The following SAMD8 variants were observed in gnomAD, a reference collection of about 807,000 sequenced individuals.
SAMD8 encodes the protein sphingomyelin synthase-related protein 1.
A neutral mutation model predicts 42.0 loss-of-function variants in SAMD8; 20 were observed. The observed-to-expected ratio is 0.48, with a 90% CI of 0.34 to 0.69. The LOEUF is 0.69. SAMD8 is among the 30% of genes least tolerant of loss of function. The pLI, the probability that SAMD8 is intolerant of heterozygous loss-of-function variation, is 0.01. For missense variants in SAMD8, 328 were observed against 511.6 expected (o/e 0.64, Z 3.46); for synonymous variants, 162 against 173.0 (o/e 0.94, Z 0.50).
At chr10:75,167,017 G>A (rs984287346) in intron 3 of SAMD8, among the ~76,000 whole-genome samples, 3 of 152,164 alleles carry the variant, frequency 2.0e-5, no homozygotes, top group Non-Finnish European at 4.4e-5. Flanking sequence ...CTGAGGGTGG[G>A]AGGATCATTT....
chr10:75,108,349 T>A, upstream of SAMD8: 1 of 1,403,136 alleles, frequency 7.1e-7, no homozygotes, highest in Non-Finnish European at 9.4e-7. Context: ...AAGTGGGGTC[T>A]GACTCCACAG....
intron 2 of SAMD8, among the ~76,000 whole-genome samples, chr10:75,157,888 G>A (rs143689478): frequency 1.3e-5 from 2 of 152,086 alleles, no homozygotes; most frequent in Non-Finnish European, 2.9e-5. Context: ...GGCCGGGCGC[G>A]GTGTCTCACG....
intron 2 of SAMD8, among the ~76,000 whole-genome samples, chr10:75,161,073 A>G (rs757818293): frequency 6.6e-6 from 1 of 152,138 alleles, no homozygotes; most frequent in African/African-American, 2.4e-5. Context: ...GTCTCAAAAA[A>G]AAAATCTACT....
At chr10:75,102,571 G>A (rs1848237209) in intron 1 of SAMD8, among the ~76,000 whole-genome samples, 1 of 152,234 alleles carries the variant, frequency 6.6e-6, no homozygotes, top group Admixed American at 6.5e-5. Context: ...ACTTTGGGAG[G>A]CTGAGGTGGG....
intron 1 of SAMD8, among the ~76,000 whole-genome samples, chr10:75,137,131 A>G (rs1274638630): frequency 6.6e-6 from 1 of 152,208 alleles, no homozygotes; most frequent in African/African-American, 2.4e-5. Context: ...CCCATGTTCA[A>G]AGCAGTATTA....
chr10:75,107,542 C>T (rs1453504574), upstream of SAMD8, among the ~76,000 whole-genome samples: 4 of 152,046 alleles, frequency 2.6e-5, no homozygotes, highest in East Asian at 3.9e-4. Flanking sequence ...GGGAAGGAAT[C>T]GGGTTCGACA....
chr10:75,128,003 A>G (rs1849184152), intron 1 of SAMD8, among the ~76,000 whole-genome samples: 1 of 150,244 alleles, frequency 6.7e-6, no homozygotes, highest in African/African-American at 2.5e-5. Flanking sequence ...TCCCTGTATT[A>G]TTTTGAACCT....
chr10:75,162,032 C>T (rs572289620), intron 2 of SAMD8, among the ~76,000 whole-genome samples: 6 of 151,954 alleles, frequency 3.9e-5, no homozygotes, highest in East Asian at 1.9e-4. Flanking sequence ...AGCAACACTC[C>T]GTCTCAAAAA....
chr10:75,147,867 TAATAA>T (rs1840180058), intron 1 of SAMD8, among the ~76,000 whole-genome samples: 1 of 152,050 alleles, frequency 6.6e-6, no homozygotes, highest in South Asian at 2.1e-4. Context: ...TAAAATAATA[TAATAA>T]ATGTATAAGT....
At chr10:75,152,102 A>T (rs928393943) in intron 2 of SAMD8, among the ~76,000 whole-genome samples, 1 of 150,778 alleles carries the variant, frequency 6.6e-6, no homozygotes, top group African/African-American at 2.5e-5. Context: ...TTTCAAAAAT[A>T]TTGATGGTGT....
chr10:75,127,936 C>T (rs1849182750), intron 1 of SAMD8, among the ~76,000 whole-genome samples: 1 of 152,102 alleles, frequency 6.6e-6, no homozygotes, highest in Admixed American at 6.5e-5. Flanking sequence ...TTAACTCTTC[C>T]TAGGTGATAA....
intron 1 of SAMD8, among the ~76,000 whole-genome samples, chr10:75,144,605 C>A (rs1840093322): frequency 6.6e-6 from 1 of 152,096 alleles, no homozygotes; most frequent in African/African-American, 2.4e-5. Flanking sequence ...GAATAATAGT[C>A]TCTTTTTTAA....
At chr10:75,150,018 T>C (rs1003616027) in intron 1 of SAMD8, among the ~76,000 whole-genome samples, 1 of 151,948 alleles carries the variant, frequency 6.6e-6, no homozygotes, top group African/African-American at 2.4e-5. Flanking sequence ...TGTAGGTAAA[T>C]TACTGTTTCT....
At chr10:75,126,529 T>C (rs894649356) in intron 1 of SAMD8, among the ~76,000 whole-genome samples, 36 of 147,382 alleles carry the variant, frequency 2.4e-4, no homozygotes, top group African/African-American at 9.1e-4. Context: ...TGAGACAGTA[T>C]CTTGCTGTGT....
intron 4 of SAMD8, among the ~76,000 whole-genome samples, chr10:75,170,770 GTTTTTTTTT>G (rs34290557): frequency 9.5e-6 from 1 of 105,218 alleles, no homozygotes; most frequent in African/African-American, 3.9e-5. Context: ...GTTTTTTTGG[GTTTTTTTTT>G]TTTTTTTTTT....
intron 1 of SAMD8, among the ~76,000 whole-genome samples, chr10:75,103,641 G>A (rs534447482): frequency 7.2e-5 from 11 of 152,316 alleles, no homozygotes; most frequent in African/African-American, 2.4e-4. Flanking sequence ...CAGATGGTGG[G>A]AACAGGGCAC....
chr10:75,153,194 C>A (rs1427902575), intron 2 of SAMD8, among the ~76,000 whole-genome samples: 1 of 152,014 alleles, frequency 6.6e-6, no homozygotes, highest in Non-Finnish European at 1.5e-5. Flanking sequence ...GTTGGTCAGG[C>A]TGGTCTCGAA....
chr10:75,121,751 G>T (rs920896165), intron 1 of SAMD8, among the ~76,000 whole-genome samples: 1 of 151,994 alleles, frequency 6.6e-6, no homozygotes, highest in Admixed American at 6.6e-5. Context: ...GAGTGCAGTG[G>T]TGCGATCTTG....
intron 1 of SAMD8, among the ~76,000 whole-genome samples, chr10:75,134,638 CAAA>C (rs199929082): frequency 1.3e-5 from 2 of 151,070 alleles, no homozygotes; most frequent in Non-Finnish European, 3.0e-5. Context: ...TTCCCCCCCC[CAAA>C]AAAAAGATTA....
Sources: allele counts gnomAD v4.1 joint callset (sites outside exome capture counted in the v4.1 genomes callset), GRCh38; gene constraint gnomAD v4.1.1; transcripts MANE v1.5; gene names NCBI Gene and HGNC (gene_info 2026-07-23, HGNC 2026-07-21).